The following LINGO1 variants were observed in gnomAD, a reference collection of about 807,000 sequenced individuals.
LINGO1 encodes the protein leucine-rich repeat and immunoglobulin-like domain-containing nogo receptor-interacting protein 1.
Under a neutral mutation model 37.3 loss-of-function variants are expected in LINGO1, and 11 were observed. The observed-to-expected ratio is 0.29, with a 90% CI of 0.19 to 0.49. LINGO1 has a LOEUF of 0.49. Ranked by LOEUF, LINGO1 falls within the 20% of genes least tolerant of loss-of-function variation. LINGO1 has a pLI of 0.99. For missense variants in LINGO1, 585 were observed against 878.2 expected (o/e 0.67, Z 4.22); for synonymous variants, 387 against 403.0 (o/e 0.96, Z 0.48).
chr15:77,617,548 G>A (rs771482450), intron 1 of LINGO1, among the ~76,000 whole-genome samples: 8 of 152,150 alleles, frequency 5.3e-5, no homozygotes, highest in Non-Finnish European at 1.5e-5. Flanking sequence ...AGCCCAGACC[G>A]GATGTCCCAC....
chr15:77,770,381 A>G (rs2076572061), intron 1 of LINGO1, among the ~76,000 whole-genome samples: 1 of 152,122 alleles, frequency 6.6e-6, no homozygotes, highest in South Asian at 2.1e-4. Flanking sequence ...TGAGATCAGG[A>G]GTTCGAGACC....
At position 77,727,461 on chromosome 15, in the gene LINGO1, A is replaced by T. The variant is rs372599910; in HGVS notation, c.-195+7531T>A. On this transcript the variant is annotated intron_variant, in intron 2 of 3. Coordinates refer to the LINGO1 transcript ENST00000561686. ...GCCACAGTATGGATGAACACGGAGG[A>T]CATTATGCTATGTGAAATAAGTCAG... 8.5e-5 allele frequency among the ~76,000 whole-genome samples: 13 copies of T among 152,370 alleles called. No homozygotes were observed. The East Asian group carries it at 2.3e-3, about 27-fold the overall frequency.
intron 1 of LINGO1, among the ~76,000 whole-genome samples, chr15:77,783,213 A>T (rs12915515): frequency 0.56 from 85,531 of 151,972 alleles, 24,075 homozygotes; most frequent in South Asian, 0.62. Context: ...AGGTTACCCA[A>T]ATTACCTGTT....
At chr15:77,631,455 C>A (rs930122063) in intron 1 of LINGO1, among the ~76,000 whole-genome samples, 3 of 152,194 alleles carry the variant, frequency 2.0e-5, no homozygotes, top group African/African-American at 7.2e-5. Flanking sequence ...CAGCAGGAAC[C>A]GGGAGGGGCT....
chr15:77,724,104 G>A (rs926383510), intron 2 of LINGO1, among the ~76,000 whole-genome samples: 2 of 152,172 alleles, frequency 1.3e-5, no homozygotes, highest in Admixed American at 6.5e-5. Context: ...CCTTGCACCC[G>A]GAGCAGGAGC....
At chr15:77,699,905 G>A (rs142047853), upstream of LINGO1, among the ~76,000 whole-genome samples, 3 of 152,346 alleles carry the variant, frequency 2.0e-5, no homozygotes, top group East Asian at 5.8e-4. Flanking sequence ...TGTTAGCAAT[G>A]TGATCAGGTC....
chr15:77,724,507 G>T (rs770523038), intron 2 of LINGO1, among the ~76,000 whole-genome samples: 1 of 152,210 alleles, frequency 6.6e-6, no homozygotes, highest in African/African-American at 2.4e-5. Flanking sequence ...TTGTTGAGAT[G>T]AGGAAACTGT....
In LINGO1 at chr15:77,680,942, T is replaced by C. The variant is rs11853824; in HGVS notation, c.-98-3768A>G. ...GACAACACGAGGAACAAGGAGAAGA[T>C]GCTACCCCTTAAGGTAACAGGGGCA... is the stretch of plus-strand genomic sequence containing the variant. On this transcript the variant is annotated intron_variant, in intron 2 of 3. Coordinates refer to the LINGO1 transcript ENST00000559893. Among the ~76,000 whole-genome samples, 5 of 152,264 alleles carry C rather than the reference T, an allele frequency of 3.3e-5. No homozygotes were observed. In the East Asian group the frequency reaches 7.7e-4, roughly 24 times the overall value.
chr15:77,768,576 G>A (rs35840713), intron 1 of LINGO1, among the ~76,000 whole-genome samples: 22,306 of 152,102 alleles, frequency 0.15, 2,133 homozygotes, highest in African/African-American at 0.27. Flanking sequence ...ACACTGGTGG[G>A]CAGGTTGGGA....
At chr15:77,678,942 C>T (rs893632124) in intron 2 of LINGO1, among the ~76,000 whole-genome samples, 4 of 151,864 alleles carry the variant, frequency 2.6e-5, no homozygotes, top group African/African-American at 9.7e-5. Flanking sequence ...GCTCTGTCAC[C>T]CTGGCTGGAG....
At chr15:77,771,665 T>G (rs911611620) in intron 1 of LINGO1, among the ~76,000 whole-genome samples, 21 of 152,224 alleles carry the variant, frequency 1.4e-4, no homozygotes, top group African/African-American at 4.8e-4. Flanking sequence ...AGGAGGAGAC[T>G]GCTGGAAGCT....
chr15:77,620,799 G>A (rs567651712), intron 1 of LINGO1, among the ~76,000 whole-genome samples: 5 of 152,152 alleles, frequency 3.3e-5, no homozygotes, highest in Non-Finnish European at 5.9e-5. Flanking sequence ...TCACATTCAG[G>A]GCGTGCCCCC....
intron 1 of LINGO1, among the ~76,000 whole-genome samples, chr15:77,748,654 T>TG (rs1308055571): frequency 6.6e-6 from 1 of 152,204 alleles, no homozygotes; most frequent in Non-Finnish European, 1.5e-5. Context: ...GAAGAGGTCA[T>TG]GGACCCCAGT....
intron 2 of LINGO1, among the ~76,000 whole-genome samples, chr15:77,680,862 C>T (rs1475966271): frequency 3.9e-5 from 6 of 152,276 alleles, no homozygotes; most frequent in African/African-American, 1.4e-4. Context: ...ATATTTTGAA[C>T]TTACTGGTGT....
intron 1 of LINGO1, among the ~76,000 whole-genome samples, chr15:77,796,366 C>A (rs966437158): frequency 1.3e-5 from 2 of 152,216 alleles, no homozygotes; most frequent in African/African-American, 4.8e-5. Flanking sequence ...CTGGGAAGCG[C>A]AGAGTTTGTG....
intron 1 of LINGO1, among the ~76,000 whole-genome samples, chr15:77,796,329 T>C (rs1369685863): frequency 1.3e-5 from 2 of 152,094 alleles, no homozygotes; most frequent in African/African-American, 2.4e-5. Context: ...CACACACTCA[T>C]GGCACTAGCT....
chr15:77,613,822 C>T lies in LINGO1; in HGVS notation c.*222G>A. 1.8e-6 allele frequency: 1 copy of T among 570,404 alleles called. No homozygotes were observed. The highest frequency in any genetic ancestry group is 3.0e-5 in the Admixed American group (1 of 33,048). The allele number at this position is 570,404 out of a possible 1,614,324, so 35.3% of individuals were successfully genotyped here. On this transcript the variant is annotated 3_prime_UTR_variant, in exon 2 of 2. Transcript: ENST00000355300. Reference sequence around the variant, plus strand: ...TTTCAACTCCAGTCTGTCAATGCCCCTGTGTAGGTGGGGTCCCCAGGTCTG... The same window carrying T: ...TTTCAACTCCAGTCTGTCAATGCCCTTGTGTAGGTGGGGTCCCCAGGTCTG...
intron 1 of LINGO1, among the ~76,000 whole-genome samples, chr15:77,772,904 C>T (rs774928385): frequency 2.0e-5 from 3 of 152,164 alleles, no homozygotes; most frequent in Non-Finnish European, 2.9e-5. Context: ...GAACCAGCTT[C>T]GGCTCTGGGG....
chr15:77,718,963 G>A (rs1339505928), intron 2 of LINGO1, among the ~76,000 whole-genome samples: 3 of 150,622 alleles, frequency 2.0e-5, no homozygotes, highest in Admixed American at 6.6e-5. Flanking sequence ...TGGGGTGGAG[G>A]GAACTGGGGA....
Sources: allele counts gnomAD v4.1 joint callset (sites outside exome capture counted in the v4.1 genomes callset), GRCh38; gene constraint gnomAD v4.1.1; transcripts MANE v1.5; gene names NCBI Gene and HGNC (gene_info 2026-07-23, HGNC 2026-07-21).